WDPCP: variants seen among roughly 807,000 people sequenced by gnomAD.
WDPCP encodes the protein WD repeat containing planar cell polarity effector, also known as WD repeat-containing and planar cell polarity effector protein fritz homolog.
A neutral mutation model predicts 93.1 loss-of-function variants in WDPCP; 71 were observed. The ratio of observed to expected loss-of-function variants is 0.76; its 90% CI spans 0.63 to 0.93. The LOEUF (loss-of-function observed/expected upper bound fraction) is 0.93. Ranked by LOEUF, WDPCP falls within the 40% of genes least tolerant of loss-of-function variation. The probability of loss-of-function intolerance (pLI) is 0.00; values close to 1 mark genes in which losing one functional copy is unlikely to be tolerated. For missense variants in WDPCP, 844 were observed against 887.4 expected, an observed-to-expected ratio of 0.95 and a Z score of 0.62; for synonymous variants, 315 against 315.0, an observed-to-expected ratio of 1.00 and a Z score of 0.00.
At chr2:63,600,235 T>C (rs1050901896) in intron 3 of WDPCP, among the ~76,000 whole-genome samples, 4 of 152,248 alleles carry the variant, frequency 2.6e-5, no homozygotes, top group African/African-American at 4.8e-5. Flanking sequence ...TATACATTTG[T>C]TAAGCATCTA....
At chr2:63,497,737 C>T (rs1172279117) in intron 1 of WDPCP, among the ~76,000 whole-genome samples, 1 of 152,114 alleles carries the variant, frequency 6.6e-6, no homozygotes, top group African/African-American at 2.4e-5. Context: ...AAAAAGAATG[C>T]TGGTAATTTC....
At chr2:63,392,858 A>T (rs1403045307) in intron 10 of WDPCP, among the ~76,000 whole-genome samples, 1 of 152,224 alleles carries the variant, frequency 6.6e-6, no homozygotes, top group Non-Finnish European at 1.5e-5. Flanking sequence ...CGCCAGTTAT[A>T]ATGGCGATCA....
At chr2:63,167,824 A>G (rs1359309916) in intron 15 of WDPCP, among the ~76,000 whole-genome samples, 1 of 152,156 alleles carries the variant, frequency 6.6e-6, no homozygotes, top group Non-Finnish European at 1.5e-5. Flanking sequence ...TAGTAAGCAT[A>G]GTGAGTTAGG....
At chr2:63,475,972 C>T (rs910251386) in intron 6 of WDPCP, among the ~76,000 whole-genome samples, 1 of 152,130 alleles carries the variant, frequency 6.6e-6, no homozygotes, top group Non-Finnish European at 1.5e-5. Context: ...CGGTTCCATA[C>T]TTCCAATAAT....
At chr2:63,466,769 A>G (rs1337085017) in intron 6 of WDPCP, among the ~76,000 whole-genome samples, 1 of 152,242 alleles carries the variant, frequency 6.6e-6, no homozygotes, top group African/African-American at 2.4e-5. Context: ...CTTGACACAT[A>G]TGATTAACTA....
At chr2:63,660,908 T>C (rs1710219354) in intron 2 of WDPCP, among the ~76,000 whole-genome samples, 1 of 152,232 alleles carries the variant, frequency 6.6e-6, no homozygotes, top group Non-Finnish European at 1.5e-5. Context: ...AACATGACCA[T>C]TTAATGACAT....
chr2:63,508,971 C>T (rs1575549905), intron 1 of WDPCP, among the ~76,000 whole-genome samples: 1 of 152,302 alleles, frequency 6.6e-6, no homozygotes, highest in East Asian at 1.9e-4. Flanking sequence ...TAGACTCCCA[C>T]ACAATCATAG....
chr2:63,174,705 A>G lies in WDPCP; in HGVS notation c.2043T>C (p.Ile681=). The change falls in exon 15 of 18, where the codon ATT becomes ATC. Residue 681 remains isoleucine, a synonymous_variant. Transcript: ENST00000272321. ...AGCCATTCAGTATTCTTTGTTGTAA[A>G]ATATGTCTGTGGGTTGGGCAAGAGG... is the stretch of plus-strand genomic sequence containing the variant. ...LPPSCPTHRH[I]LQQRILNGSS... 6.2e-7 allele frequency: 1 copy of G among 1,613,934 alleles called. No homozygotes were observed. The highest frequency in any genetic ancestry group is 1.7e-5 in the Admixed American group (1 of 60,016).
At chr2:63,354,190 T>G (rs1274347194) in intron 12 of WDPCP, among the ~76,000 whole-genome samples, 1 of 152,124 alleles carries the variant, frequency 6.6e-6, no homozygotes, top group Non-Finnish European at 1.5e-5. Context: ...CATCCCCAAG[T>G]GCTTGTCACC....
At chr2:63,128,702 C>T (rs1176612981) in intron 17 of WDPCP, among the ~76,000 whole-genome samples, 1 of 152,096 alleles carries the variant, frequency 6.6e-6, no homozygotes, top group East Asian at 1.9e-4. Flanking sequence ...GAATTTTGCT[C>T]TTGTTGCCCA....
chr2:63,783,938 T>C (rs978941450), intron 2 of WDPCP, among the ~76,000 whole-genome samples: 3 of 152,180 alleles, frequency 2.0e-5, no homozygotes, highest in African/African-American at 7.2e-5. Flanking sequence ...GAAAAAAGTT[T>C]AGCCTGATTT....
chr2:63,807,152 T>C (rs1670779304), intron 2 of WDPCP, among the ~76,000 whole-genome samples: 1 of 152,216 alleles, frequency 6.6e-6, no homozygotes, highest in Non-Finnish European at 1.5e-5. Context: ...CCATGAAATC[T>C]TCACAATCTA....
chr2:63,763,123 A>C (rs1168825486), intron 2 of WDPCP, among the ~76,000 whole-genome samples: 3 of 152,156 alleles, frequency 2.0e-5, no homozygotes, highest in Non-Finnish European at 4.4e-5. Context: ...TCAAGACCAT[A>C]CTTATTTGAG....
chr2:63,810,232 T>G (rs1266258452), intron 2 of WDPCP, among the ~76,000 whole-genome samples: 2 of 152,264 alleles, frequency 1.3e-5, no homozygotes, highest in Non-Finnish European at 2.9e-5. Context: ...GTCCACTCCA[T>G]GACTTCAAAT....
intron 3 of WDPCP, among the ~76,000 whole-genome samples, chr2:63,615,001 G>A (rs1709657261): frequency 6.6e-6 from 1 of 152,188 alleles, no homozygotes; most frequent in Non-Finnish European, 1.5e-5. Context: ...AGTTTGTTAG[G>A]CTTTTCTCTT....
chr2:63,453,828 G>C (rs931704607), intron 6 of WDPCP, among the ~76,000 whole-genome samples: 1 of 151,724 alleles, frequency 6.6e-6, no homozygotes. Context: ...ATCATTCTCA[G>C]CAAACTATCG....
intron 2 of WDPCP, among the ~76,000 whole-genome samples, chr2:63,676,410 T>C (rs748035625): frequency 6.6e-5 from 10 of 152,182 alleles, no homozygotes; most frequent in Non-Finnish European, 1.5e-4. Flanking sequence ...TTAAAGGCTA[T>C]GATCTAAGAG....
chr2:63,297,892 T>C (rs1455905057), intron 13 of WDPCP, among the ~76,000 whole-genome samples: 1 of 152,144 alleles, frequency 6.6e-6, no homozygotes, highest in Admixed American at 6.5e-5. Flanking sequence ...ATTTGGGTGG[T>C]CTCTACAGTA....
intron 1 of WDPCP, among the ~76,000 whole-genome samples, chr2:63,509,660 G>A (rs768424713): frequency 6.6e-6 from 1 of 151,744 alleles, no homozygotes; most frequent in Non-Finnish European, 1.5e-5. Context: ...TTTGAAAGCA[G>A]TAACAAAATA....
Sources: allele counts gnomAD v4.1 joint callset (sites outside exome capture counted in the v4.1 genomes callset), GRCh38; gene constraint gnomAD v4.1.1; transcripts MANE v1.5; gene names NCBI Gene and HGNC (gene_info 2026-07-23, HGNC 2026-07-21).